The following CCDC142 variants were observed in gnomAD, a reference collection of about 807,000 sequenced individuals.
The protein encoded by CCDC142 is coiled-coil domain containing 142.
Under a neutral mutation model 83.8 loss-of-function variants are expected in CCDC142, and 67 were observed. The ratio of observed to expected loss-of-function variants is 0.80; its 90% CI spans 0.66 to 0.98. The LOEUF (loss-of-function observed/expected upper bound fraction) is 0.98. Ranked by LOEUF, CCDC142 falls within the 50% of genes least tolerant of loss-of-function variation. The probability of loss-of-function intolerance (pLI) is 0.00; values close to 1 mark genes in which losing one functional copy is unlikely to be tolerated. For synonymous variants in CCDC142, 421 were observed against 421.2 expected, an observed-to-expected ratio of 1.00 and a Z score of 0.01; for missense variants, 905 against 946.8, an observed-to-expected ratio of 0.96 and a Z score of 0.58.
Position 74,472,995 on chromosome 2 carries a change from C to T in CCDC142, c.*1551G>A. The T allele has an allele frequency of 2.6e-6, 1 of 388,596 alleles. No homozygotes were observed. Among genetic ancestry groups the T allele is most frequent in the South Asian group, 2.3e-5 (1 of 43,418 alleles). The allele number at this position is 388,596 out of a possible 1,614,324, so 24.1% of individuals were successfully genotyped here. On this transcript the variant is annotated 3_prime_UTR_variant, in exon 9 of 9. Transcript: ENST00000393965. ...TCTGCAGCCTTTCCCCTTCTGTACCCTGCTGGGCCACATCTAGGCTAACTC... is the reference window on the plus strand; with the variant it reads ...TCTGCAGCCTTTCCCCTTCTGTACCTTGCTGGGCCACATCTAGGCTAACTC...
At position 74,481,260 on chromosome 2, in the gene CCDC142, T is replaced by C. The variant is rs141817752; in HGVS notation, c.1221A>G (p.Arg407=). Residue 407 remains arginine, a synonymous_variant, in exon 3 of 9, where the codon CGA becomes CGG. Coordinates refer to ENST00000393965, the MANE Select transcript of CCDC142 (RefSeq NM_001365575.2). ...QLFPPLLDAL[R]EPRLRRIFCQ... ...AGAAAATCCGTCGTAACCTGGGCTCTCGAAGGGCATCCAAGAGAGGAGGAA... is the reference window on the plus strand; with the variant it reads ...AGAAAATCCGTCGTAACCTGGGCTCCCGAAGGGCATCCAAGAGAGGAGGAA... The C allele has an allele frequency of 4.3e-5, 70 of 1,614,128 alleles. No homozygotes were observed. The East Asian group carries it at 1.5e-3, about 34-fold the overall frequency.
intron 5 of CCDC142, 42 bp downstream of exon 5, chr2:74,480,726 AC>A: frequency 7.1e-7 from 1 of 1,415,780 alleles, no homozygotes; most frequent in Non-Finnish European, 9.9e-7. Context: ...TTGGCACAGA[AC>A]ATAGGGTCTT....
Position 74,475,036 on chromosome 2 carries a change from G to A in CCDC142, c.1876C>T (p.Pro626Ser), listed in dbSNP as rs756661725. ...ATGAGCAGGGTCTGGCGGAGATCAG[G>A]GGACAGGCTCCACTGCTCCTCTTCC... is the stretch of plus-strand genomic sequence containing the variant. ...LLEEEQWSLS[P>S]DLRQTLLMLS... Residue 626 changes from proline to serine, a missense_variant, in exon 8 of 9, where the codon CCT becomes TCT. Physicochemically the swap from Pro to Ser is moderately conservative, Grantham distance 74. Transcript: ENST00000393965. The A allele has an allele frequency of 9.9e-6, 16 of 1,614,064 alleles. No individual in the cohort carries two copies. The highest frequency in any genetic ancestry group is 2.2e-5 in the East Asian group (1 of 44,878).
intron 1 of CCDC142, 55 bp from the exon 2 acceptor site, chr2:74,481,593 C>T (rs1672466549): frequency 1.3e-6 from 2 of 1,532,978 alleles, no homozygotes; most frequent in East Asian, 2.3e-5. Context: ...TTCCACAACC[C>T]CTGCCCACTC....
Position 74,473,855 on chromosome 2 carries a change from C to T in CCDC142, c.*691G>A, listed in dbSNP as rs1672249203. 1 of 145,770 alleles carries T rather than the reference C, an allele frequency of 6.9e-6. No individual in the cohort carries two copies. The highest frequency in any genetic ancestry group is 7.1e-5 in the Admixed American group (1 of 14,068). The allele number at this position is 145,770 out of a possible 1,614,324, so 9.0% of individuals were successfully genotyped here. A position where few individuals can be genotyped will look rare whatever the true frequency, so the allele number is the denominator to read the frequency against. On this transcript the variant is annotated 3_prime_UTR_variant, in exon 9 of 9. Coordinates refer to ENST00000393965, the MANE Select transcript of CCDC142 (RefSeq NM_001365575.2). ...TGGCACAATCTCGGCTCTCCGCAACCTTCGCCTCCTAGGTTCAAGCGATTC... is the reference window on the plus strand; with the variant it reads ...TGGCACAATCTCGGCTCTCCGCAACTTTCGCCTCCTAGGTTCAAGCGATTC...
At chr2:74,475,476 G>A in intron 6 of CCDC142, 74 bp from the exon 7 acceptor site, 2 of 1,504,214 alleles carry the variant, frequency 1.3e-6, no homozygotes, top group Non-Finnish European at 1.8e-6. Flanking sequence ...GGGAGAAGAG[G>A]GTAGGATTTC....
intron 5 of CCDC142, among the ~76,000 whole-genome samples, chr2:74,480,476 A>T (rs958020003): frequency 2.6e-5 from 4 of 151,952 alleles, no homozygotes; most frequent in African/African-American, 9.7e-5. Flanking sequence ...TTGTAGTCTC[A>T]GCTACTAGGG....
rs751663649 is a variant in CCDC142 at position 74,480,777 on chromosome 2, G to GTGCAGTCAGCTTCTGGATCTC, written c.1474_1494dup (p.Glu492_Ala498dup). 36 of 1,611,906 alleles carry GTGCAGTCAGCTTCTGGATCTC rather than the reference G, an allele frequency of 2.2e-5. No individual in the cohort carries two copies. The South Asian group carries it at 3.8e-4, about 17-fold the overall frequency. ...GAGGCCCCTGTTCTCACCTGGATCT[G>GTGCAGTCAGCTTCTGGATCTC]TGCAGTCAGCTTCTGGATCTCCAGG... On this transcript the variant is annotated inframe_insertion, in exon 5 of 9. Transcript: ENST00000393965.
At position 74,472,876 on chromosome 2, in the gene CCDC142, C is replaced by T. The variant is rs1043972397; in HGVS notation, c.*1670G>A. Reference sequence around the variant, plus strand: ...GGGGGAGCCCAAAGTAGGCTGTCAGCAAATACAGCCTATCATGAATAGTCC... The same window carrying T: ...GGGGGAGCCCAAAGTAGGCTGTCAGTAAATACAGCCTATCATGAATAGTCC... On this transcript the variant is annotated 3_prime_UTR_variant, in exon 9 of 9. Transcript: ENST00000393965. 12 of 598,224 alleles carry T rather than the reference C, an allele frequency of 2.0e-5. No individual in the cohort carries two copies. The highest frequency in any genetic ancestry group is 3.6e-5 in the Non-Finnish European group (12 of 336,040). 37.1% of individuals were successfully genotyped at this position (598,224 alleles called of 1,614,324 possible).
chr2:74,482,180 A>G lies in CCDC142; in HGVS notation c.658T>C (p.Leu220=). ...PAYHTLQRKA[L]SHVPGAARPF... is the part of the protein sequence containing the mutation. ...CGTGCGGCCCCTGGGACGTGGCTCA[A>G]GGCTTTTCTCTGTAGTGTGTGGTAG... Residue 220 remains leucine (L), a synonymous_variant, in exon 1 of 9, where the codon TTG becomes CTG. Coordinates refer to ENST00000393965, the MANE Select transcript of CCDC142 (RefSeq NM_001365575.2). This position sits in a 1 kb window ranked among gnomAD's most constrained non-coding sequence, Gnocchi z 5.0. 5 of 1,613,670 alleles carry G rather than the reference A, an allele frequency of 3.1e-6. No homozygotes were observed. Among genetic ancestry groups the G allele is most frequent in the Non-Finnish European group, 4.2e-6 (5 of 1,179,922 alleles).
chr2:74,481,297 A>C lies in CCDC142; in HGVS notation c.1184T>G (p.Leu395Trp), dbSNP rs1672446747. The C allele has an allele frequency of 1.2e-6, 2 of 1,614,004 alleles. No homozygotes were observed. Among genetic ancestry groups the C allele is most frequent in the East Asian group, 2.2e-5 (1 of 44,900 alleles). ...LPTSSGTAEL[L>W]QQLFPPLLDA... is the part of the protein sequence containing the mutation. ...CAAGAGAGGAGGAAAGAGCTGCTGC[A>C]AAAGTTCAGCAGTGCCAGAGGATGT... The change falls in exon 3 of 9, where the codon TTG becomes TGG. Residue 395 changes from leucine to tryptophan, a missense_variant. By Grantham distance (61) the Leu-to-Trp change is moderately conservative. Transcript: ENST00000393965.
At chr2:74,476,851 C>G (rs1657462932) in intron 5 of CCDC142, among the ~76,000 whole-genome samples, 3 of 152,208 alleles carry the variant, frequency 2.0e-5, no homozygotes, top group African/African-American at 7.2e-5. Context: ...CAGGATAGAC[C>G]TGGGGGCGGC....
At chr2:74,478,124 C>T (rs867339539) in intron 5 of CCDC142, among the ~76,000 whole-genome samples, 5 of 148,624 alleles carry the variant, frequency 3.4e-5, no homozygotes, top group South Asian at 2.1e-4. Context: ...TGCAATGGCA[C>T]GCTCTCGACT....
At position 74,480,710 on chromosome 2, in the gene CCDC142, C is replaced by T. The variant is rs547820352; in HGVS notation, c.1503+59G>A. ...TGAGATGTTCTACTCTTCCCACCCC[C>T]GATACTTGGCACAGAACATAGGGTC... On this transcript the variant is annotated intron_variant, in intron 5 of 8. Transcript: ENST00000393965. The T allele has an allele frequency of 2.0e-4, 240 of 1,218,552 alleles. 2 individuals are homozygous for T. In the East Asian group the frequency reaches 2.1e-3, roughly 11 times the overall value. 75.5% of individuals were successfully genotyped at this position (1,218,552 alleles called of 1,614,324 possible).
chr2:74,481,953 GAGCCCTAGTCCAC>G lies in CCDC142; in HGVS notation c.872_884del (p.Cys291SerfsTer25). On this transcript the variant is annotated frameshift_variant, in exon 1 of 9. Coordinates refer to ENST00000393965, the MANE Select transcript of CCDC142 (RefSeq NM_001365575.2). LOFTEE classifies it high-confidence loss of function. ...GGCTCCACAAGGCCCCAGCCCCTCC[GAGCCCTAGTCCAC>G]AGCTGGCTGAACCCGCCACGCCCCC... 6.2e-7 allele frequency: 1 copy of G among 1,613,930 alleles called. No individual in the cohort carries two copies. Among genetic ancestry groups the G allele is most frequent in the South Asian group, 1.1e-5 (1 of 91,078 alleles).
chr2:74,482,633 C>T lies in CCDC142; in HGVS notation c.205G>A (p.Ala69Thr). ...CCCCGCCTCCAGGCCGCAGCATCAGCCTCGTAGTCCTCGCTCACATCCGCC... is the reference window on the plus strand; with the variant it reads ...CCCCGCCTCCAGGCCGCAGCATCAGTCTCGTAGTCCTCGCTCACATCCGCC... The part of the protein sequence containing the change: ...TPADVSEDYE[A>T]DAAAWRRGPA... Residue 69 changes from alanine (A) to threonine (T), a missense_variant, in exon 1 of 9, where the codon GCT (alanine) becomes ACT (threonine). Ala to Thr is a moderately conservative substitution (Grantham distance 58). Coordinates refer to ENST00000393965, the MANE Select transcript of CCDC142 (RefSeq NM_001365575.2). The surrounding 1 kb of genome is among the most constrained non-coding windows in gnomAD (Gnocchi z 5.0). The T allele has an allele frequency of 6.2e-7, 1 of 1,611,738 alleles. No homozygotes were observed. The highest frequency in any genetic ancestry group is 8.5e-7 in the Non-Finnish European group (1 of 1,179,752).
chr2:74,480,919 C>G (rs766150849), intron 4 of CCDC142, 37 bp from the exon 5 acceptor site: 1 of 1,610,238 alleles, frequency 6.2e-7, no homozygotes, highest in South Asian at 1.1e-5. Flanking sequence ...CTCAGCCTAG[C>G]TCAGGCTGCT....
At position 74,480,749 on chromosome 2, in the gene CCDC142, G is replaced by C. The variant is rs757038062; in HGVS notation, c.1503+20C>G. 1 of 1,575,368 alleles carries C rather than the reference G, an allele frequency of 6.3e-7. No individual in the cohort carries two copies. The highest frequency in any genetic ancestry group is 1.7e-5 in the Admixed American group (1 of 59,350). On this transcript the variant is annotated intron_variant, in intron 5 of 8. Transcript: ENST00000393965. ...GAACATAGGGTCTTACACTGCCACT[G>C]TTGAGGCCCCTGTTCTCACCTGGAT...
At chr2:74,476,044 A>AACACACACACACACAC (rs58719599) in intron 5 of CCDC142, among the ~76,000 whole-genome samples, 15 of 97,698 alleles carry the variant, frequency 1.5e-4, no homozygotes, top group African/African-American at 4.5e-4. Flanking sequence ...CCACCCCCGC[A>AACACACACACACACAC]ACACACACAC....
Sources: allele counts gnomAD v4.1 joint callset (sites outside exome capture counted in the v4.1 genomes callset), GRCh38; gene constraint gnomAD v4.1.1; non-coding constraint Gnocchi (gnomAD v3.1); transcripts MANE v1.5; gene names NCBI Gene and HGNC (gene_info 2026-07-23, HGNC 2026-07-21).